The following ADCY7 variants were observed in gnomAD, a reference collection of about 807,000 sequenced individuals.
The protein encoded by ADCY7 is adenylate cyclase 7, also known as adenylate cyclase type 7.
ADCY7 carries 72 observed loss-of-function variants against 120.6 expected under a neutral mutation model. The ratio of observed to expected loss-of-function variants is 0.60; its 90% CI spans 0.49 to 0.73. The LOEUF is 0.73. Ranked by LOEUF, ADCY7 falls within the 30% of genes least tolerant of loss-of-function variation. ADCY7 has a pLI of 0.00. For synonymous variants in ADCY7, 661 were observed against 628.0 expected (o/e 1.05, Z -0.78); for missense variants, 1,227 against 1,486.0 (o/e 0.83, Z 2.87).
intron 7 of ADCY7, 56 bp from the exon 8 acceptor site, chr16:50,298,848 G>A (rs549809280): frequency 2.7e-5 from 43 of 1,574,732 alleles, no homozygotes; most frequent in Non-Finnish European, 3.5e-5. Context: ...GGCGGCTGTC[G>A]TGAGAGGTCC....
chr16:50,269,505 G>A (rs947102617), intron 1 of ADCY7, among the ~76,000 whole-genome samples: 21 of 152,230 alleles, frequency 1.4e-4, no homozygotes, highest in African/African-American at 4.1e-4. Context: ...GTAGGACGAG[G>A]CCTTCTGCGT....
At chr16:50,273,475 A>AGCAGCAGTGCCTGCACCTGCT (rs2033693803) in intron 1 of ADCY7, among the ~76,000 whole-genome samples, 1 of 152,170 alleles carries the variant, frequency 6.6e-6, no homozygotes, top group Non-Finnish European at 1.5e-5. Context: ...GTGTTGTAGC[A>AGCAGCAGTGCCTGCACCTGCT]GCAGCAGTGC....
rs2036639545 is a variant in ADCY7 at position 50,314,055 on chromosome 16, A to G, written c.2849A>G (p.Glu950Gly). The G allele has an allele frequency of 2.5e-6, 4 of 1,613,732 alleles. No individual in the cohort carries two copies. The South Asian group carries it at 3.3e-5, about 13-fold the overall frequency. The change falls in exon 23 of 26, where the codon GAG (glutamate) becomes GGG (glycine). Residue 950 changes from glutamate to glycine, a missense_variant. Physicochemically the swap from Glu to Gly is moderately conservative, Grantham distance 98. Transcript: ENST00000673801. ...AAGLSVASGH[E>G]NQELERQHAH... ...GGGCTCAGCGTCGCCTCAGGGCACG[A>G]GAACCAGGTACTCAAGCCCAAGAGG...
chr16:50,276,306 G>A (rs1024289867), intron 1 of ADCY7, among the ~76,000 whole-genome samples: 4 of 152,210 alleles, frequency 2.6e-5, no homozygotes, highest in Non-Finnish European at 4.4e-5. Context: ...AGTAGGGGCC[G>A]GGCCTCCTCA....
intron 1 of ADCY7, among the ~76,000 whole-genome samples, chr16:50,248,892 C>T (rs1020049089): frequency 6.6e-6 from 1 of 152,158 alleles, no homozygotes; most frequent in African/African-American, 2.4e-5. Context: ...TGGACGATAC[C>T]CTTTTGGTCG....
intron 20 of ADCY7, 120 bp downstream of exon 20, chr16:50,311,906 C>CA: frequency 6.8e-7 from 1 of 1,473,754 alleles, no homozygotes; most frequent in Admixed American, 1.8e-5. Flanking sequence ...AGAGTCCTGC[C>CA]AGGAAAGCAC....
chr16:50,305,996 G>A (rs2036040933), intron 14 of ADCY7, 147 bp downstream of exon 14: 1 of 756,084 alleles, frequency 1.3e-6, no homozygotes, highest in Admixed American at 2.1e-5. Flanking sequence ...CTGGGCGGGG[G>A]GCAGGGGCGG....
rs180836351 is a variant in ADCY7, at chr16:50,317,216, T to C, written c.*1711T>C. 2.9e-4 allele frequency: 44 copies of C among 151,754 alleles called. No homozygotes were observed. Among genetic ancestry groups the C allele is most frequent in the African/African-American group, 9.9e-4 (40 of 40,446 alleles). 9.4% of individuals were successfully genotyped at this position (151,754 alleles called of 1,614,324 possible). A position where few individuals can be genotyped will look rare whatever the true frequency, so the allele number is the denominator to read the frequency against. Reference sequence around the variant, plus strand: ...TGCACATAAGTGGAATCAGTATGAATAGAAGAACTTGCTGTATAAAGGAAT... The same window carrying C: ...TGCACATAAGTGGAATCAGTATGAACAGAAGAACTTGCTGTATAAAGGAAT... On this transcript the variant is annotated 3_prime_UTR_variant, in exon 26 of 26. Coordinates refer to ENST00000673801, the MANE Select transcript of ADCY7 (RefSeq NM_001114.5).
At chr16:50,255,991 G>C (rs2032907860) in intron 1 of ADCY7, among the ~76,000 whole-genome samples, 1 of 150,932 alleles carries the variant, frequency 6.6e-6, no homozygotes, top group Non-Finnish European at 1.5e-5. Flanking sequence ...AGAAAATATA[G>C]GGAAAAAGCT....
intron 24 of ADCY7, chr16:50,314,810 G>C: frequency 1.7e-6 from 1 of 604,218 alleles, no homozygotes; most frequent in Middle Eastern, 4.7e-4. Flanking sequence ...AGACTTCTGA[G>C]TCTGAAAAAG....
At chr16:50,296,262 A>AATTTGCTACATT (rs1431906152) in intron 7 of ADCY7, among the ~76,000 whole-genome samples, 1 of 152,036 alleles carries the variant, frequency 6.6e-6, no homozygotes, top group African/African-American at 2.4e-5. Flanking sequence ...TACATTGTCT[A>AATTTGCTACATT]GGCTGGTCTT....
At chr16:50,248,798 A>G (rs1212077543) in intron 1 of ADCY7, among the ~76,000 whole-genome samples, 3 of 152,184 alleles carry the variant, frequency 2.0e-5, no homozygotes, top group African/African-American at 7.2e-5. Context: ...ATTTGACAGG[A>G]TATCACGTGG....
At chr16:50,266,074 G>A (rs535759711), upstream of ADCY7, among the ~76,000 whole-genome samples, 1 of 152,312 alleles carries the variant, frequency 6.6e-6, no homozygotes, top group African/African-American at 2.4e-5. Context: ...AGAGGCAGTG[G>A]GCTGGGCTGG....
chr16:50,295,190 T>C (rs1343738536), intron 7 of ADCY7, among the ~76,000 whole-genome samples: 1 of 152,042 alleles, frequency 6.6e-6, no homozygotes, highest in African/African-American at 2.4e-5. Context: ...TGTTTGTTTG[T>C]TTTTGTGAGA....
At chr16:50,309,892 G>A (rs2036337756) in intron 18 of ADCY7, among the ~76,000 whole-genome samples, 1 of 152,220 alleles carries the variant, frequency 6.6e-6, no homozygotes, top group Admixed American at 6.5e-5. Flanking sequence ...GGCAGGGAGT[G>A]AGGGGAGCAT....
chr16:50,259,388 C>A (rs1197173589), intron 1 of ADCY7, among the ~76,000 whole-genome samples: 2 of 152,218 alleles, frequency 1.3e-5, no homozygotes, highest in African/African-American at 2.4e-5. Context: ...CAGGGAAGGA[C>A]AGGCGGCCTC....
chr16:50,281,955 C>G (rs575392813), intron 1 of ADCY7, among the ~76,000 whole-genome samples: 4 of 152,308 alleles, frequency 2.6e-5, no homozygotes, highest in African/African-American at 9.6e-5. Flanking sequence ...CCGGCAGGAC[C>G]GGGGGCGCGA....
chr16:50,294,908 G>T (rs897204665), intron 7 of ADCY7, among the ~76,000 whole-genome samples, 157 bp downstream of exon 7: 1 of 152,236 alleles, frequency 6.6e-6, no homozygotes, highest in South Asian at 2.1e-4. Context: ...CATGGTAAAG[G>T]TGGGGGTGAG....
At position 50,315,395 on chromosome 16, in the gene ADCY7, G is replaced by C. The variant is rs148842632; in HGVS notation, c.3133G>C (p.Gly1045Arg). Reference protein sequence around the residue: ...EETCTILQGLGYSCECRGLIN... With the variant: ...EETCTILQGLRYSCECRGLIN... Reference sequence around the variant, plus strand: ...GACCTGCACCATCCTCCAGGGCCTCGGGTACTCTTGTGAATGCCGTGGCCT... The same window carrying C: ...GACCTGCACCATCCTCCAGGGCCTCCGGTACTCTTGTGAATGCCGTGGCCT... Residue 1045 changes from glycine to arginine, a missense_variant, in exon 26 of 26, where the codon GGG (glycine) becomes CGG (arginine). Coordinates refer to ENST00000673801, the MANE Select transcript of ADCY7 (RefSeq NM_001114.5). The C allele has an allele frequency of 1.2e-6, 2 of 1,613,638 alleles. No homozygotes were observed. The highest frequency in any genetic ancestry group is 4.5e-5 in the East Asian group (2 of 44,864).
Sources: allele counts gnomAD v4.1 joint callset (sites outside exome capture counted in the v4.1 genomes callset), GRCh38; gene constraint gnomAD v4.1.1; transcripts MANE v1.5; gene names NCBI Gene and HGNC (gene_info 2026-07-23, HGNC 2026-07-21).